The following CORO2B variants were observed in gnomAD, a reference collection of about 807,000 sequenced individuals.
CORO2B encodes coronin 2B, also known as coronin-2B.
Under a neutral mutation model 58.8 loss-of-function variants are expected in CORO2B, and 26 were observed. The observed-to-expected ratio is 0.44, with a 90% CI of 0.32 to 0.61. The LOEUF (loss-of-function observed/expected upper bound fraction) is 0.61, where lower values mean the gene tolerates loss of function less well. Among genes scored for constraint, CORO2B ranks in the 20% least tolerant of loss-of-function variants. The probability of loss-of-function intolerance (pLI) is 0.04; values close to 1 mark genes in which losing one functional copy is unlikely to be tolerated. For missense variants in CORO2B, 460 were observed against 645.1 expected, an observed-to-expected ratio of 0.71 and a Z score of 3.11; for synonymous variants, 242 against 253.8, an observed-to-expected ratio of 0.95 and a Z score of 0.44.
At chr15:68,665,021 G>A (rs1902148038) in intron 2 of CORO2B, among the ~76,000 whole-genome samples, 1 of 107,500 alleles carries the variant, frequency 9.3e-6, no homozygotes, top group African/African-American at 3.3e-5. Flanking sequence ...GTCTTTTATG[G>A]CTTCTGGATC....
the CORO2B span, among the ~76,000 whole-genome samples, chr15:68,528,664 A>G: frequency 1.4e-5 from 2 of 144,172 alleles, no homozygotes; most frequent in Admixed American, 1.4e-4. Context: ...GAGTTGGAAT[A>G]TGTTCCCTCC....
chr15:68,661,384 G>A (rs779697800), intron 2 of CORO2B, among the ~76,000 whole-genome samples: 2 of 152,158 alleles, frequency 1.3e-5, no homozygotes, highest in Non-Finnish European at 2.9e-5. Context: ...GTTCTGGGTG[G>A]CCAGAGATAT....
intron 2 of CORO2B, among the ~76,000 whole-genome samples, chr15:68,693,825 A>ATTTGTTTGTTTG (rs71905785): frequency 1.3e-5 from 2 of 151,116 alleles, no homozygotes; most frequent in African/African-American, 4.9e-5. Context: ...TCTGGTTGTG[A>ATTTGTTTGTTTG]TTTGTTTGTT....
At chr15:68,658,384 T>C (rs1042844413) in intron 2 of CORO2B, among the ~76,000 whole-genome samples, 3 of 152,270 alleles carry the variant, frequency 2.0e-5, no homozygotes, top group Admixed American at 6.5e-5. Flanking sequence ...GCCTGCCATC[T>C]GTGCCTCCTT....
At chr15:68,594,000 A>T (rs1899766736) in intron 1 of CORO2B, among the ~76,000 whole-genome samples, 1 of 152,166 alleles carries the variant, frequency 6.6e-6, no homozygotes, top group African/African-American at 2.4e-5. Flanking sequence ...GCAGAGAGAG[A>T]TGTGGTTGGG....
At chr15:68,575,412 A>G (rs1371276809), upstream of CORO2B, among the ~76,000 whole-genome samples, 1 of 122,922 alleles carries the variant, frequency 8.1e-6, no homozygotes, top group African/African-American at 3.0e-5. Context: ...ATCTCAGCTC[A>G]CTGCAACCTC....
the CORO2B span, among the ~76,000 whole-genome samples, chr15:68,541,300 T>C: frequency 1.3e-5 from 2 of 152,172 alleles, no homozygotes; most frequent in African/African-American, 4.8e-5. Flanking sequence ...ATAATGTGAT[T>C]TCAGGGTCAT....
chr15:68,537,145 G>A, the CORO2B span, among the ~76,000 whole-genome samples: 9 of 152,314 alleles, frequency 5.9e-5, no homozygotes, highest in African/African-American at 2.2e-4. Context: ...CTGTCATCCT[G>A]GCACCTTGGC....
intron 2 of CORO2B, among the ~76,000 whole-genome samples, chr15:68,657,703 T>TA (rs1215216231): frequency 5.9e-5 from 9 of 152,142 alleles, no homozygotes; most frequent in African/African-American, 1.9e-4. Context: ...TATCTGAAAA[T>TA]ATCTGTGATA....
At chr15:68,706,127 C>T (rs1200700478) in intron 3 of CORO2B, among the ~76,000 whole-genome samples, 3 of 152,156 alleles carry the variant, frequency 2.0e-5, no homozygotes, top group African/African-American at 7.2e-5. Flanking sequence ...ACACACATGA[C>T]CTCTGGCCTC....
the CORO2B span, among the ~76,000 whole-genome samples, chr15:68,568,288 A>G: frequency 6.6e-6 from 1 of 151,342 alleles, no homozygotes; most frequent in African/African-American, 2.4e-5. Context: ...CCCCACAACA[A>G]TGCTTCATTT....
chr15:68,588,586 C>T (rs1476443041), intron 1 of CORO2B, among the ~76,000 whole-genome samples: 1 of 152,208 alleles, frequency 6.6e-6, no homozygotes, highest in African/African-American at 2.4e-5. Context: ...TTCCCACTGT[C>T]AAATGACCTT....
the CORO2B span, among the ~76,000 whole-genome samples, chr15:68,547,883 G>A: frequency 6.6e-6 from 1 of 152,112 alleles, no homozygotes; most frequent in African/African-American, 2.4e-5. Flanking sequence ...TTAAAAGTAC[G>A]TTTTTGGCCG....
At chr15:68,575,336 CT>C (rs1899258683), upstream of CORO2B, among the ~76,000 whole-genome samples, 1 of 146,742 alleles carries the variant, frequency 6.8e-6, no homozygotes, top group Non-Finnish European at 1.5e-5. Context: ...GAGAATACAC[CT>C]TTTTCTTTTT....
At chr15:68,686,693 G>A (rs1485623036) in intron 2 of CORO2B, among the ~76,000 whole-genome samples, 1 of 152,146 alleles carries the variant, frequency 6.6e-6, no homozygotes, top group Non-Finnish European at 1.5e-5. Context: ...GAGGTCAGGA[G>A]TTCAAGACCA....
At chr15:68,579,436 C>A (rs538577850) in intron 1 of CORO2B, among the ~76,000 whole-genome samples, 159 bp downstream of exon 1, 1 of 152,118 alleles carries the variant, frequency 6.6e-6, no homozygotes, top group South Asian at 2.1e-4. Context: ...CGAGTCACTC[C>A]GGCCCCCAAG....
chr15:68,712,013 T>C (rs1892931111), intron 5 of CORO2B, among the ~76,000 whole-genome samples: 1 of 152,148 alleles, frequency 6.6e-6, no homozygotes, highest in South Asian at 2.1e-4. Flanking sequence ...TCCCCAGGTG[T>C]TACCCAGGTC....
intron 1 of CORO2B, among the ~76,000 whole-genome samples, chr15:68,625,289 G>T (rs1212621454): frequency 6.6e-6 from 1 of 150,700 alleles, no homozygotes; most frequent in Non-Finnish European, 1.5e-5. Flanking sequence ...TTTAACTCGG[G>T]TTCTTCGAGG....
chr15:68,535,972 T>G, the CORO2B span, among the ~76,000 whole-genome samples: 1 of 149,798 alleles, frequency 6.7e-6, no homozygotes, highest in Non-Finnish European at 1.5e-5. Flanking sequence ...AATAATGTTA[T>G]GTCATTTATA....
Sources: gnomAD v4.1 joint callset for allele counts (sites outside exome capture counted in the v4.1 genomes callset) on GRCh38, gnomAD v4.1.1 for gene constraint, MANE v1.5 for transcripts, NCBI Gene and HGNC (gene_info 2026-07-23, HGNC 2026-07-21) for gene names.